UPK1A: variants seen among roughly 807,000 people sequenced by gnomAD.
UPK1A encodes uroplakin 1A, also known as uroplakin-1a.
UPK1A carries 31 observed loss-of-function variants against 32.3 expected under a neutral mutation model. The observed-to-expected ratio is 0.96, with a 90% CI of 0.72 to 1.30. The LOEUF is 1.30. Ranked by LOEUF, UPK1A falls within the 50% of genes most tolerant of loss-of-function variation. The pLI is 0.00. For synonymous variants in UPK1A, 135 were observed against 137.1 expected (o/e 0.98, Z 0.11); for missense variants, 340 against 357.4 (o/e 0.95, Z 0.39).
At chr19:35,671,697 C>T (rs1390030940) in intron 3 of UPK1A, among the ~76,000 whole-genome samples, 1 of 151,372 alleles carries the variant, frequency 6.6e-6, no homozygotes, top group Non-Finnish European at 1.5e-5. Context: ...CTCCTGACCT[C>T]GTGATCCGCC....
chr19:35,675,937 TGTGCTGTCGCCGGAC>T (rs961694135), exon 6 of UPK1A: 1 of 1,613,848 alleles, frequency 6.2e-7, no homozygotes, highest in African/African-American at 1.3e-5. Context: ...TGGCCCCCAC[TGTGCTGTCGCCGGAC>T]GGGAAACTTC....
At chr19:35,673,189 CACGGGCTCTGCCCG>C in intron 3 of UPK1A, 29 bp from the exon 4 acceptor site, 1 of 1,602,440 alleles carries the variant, frequency 6.2e-7, no homozygotes, top group Non-Finnish European at 8.5e-7. Flanking sequence ...GGTGTGGCTT[CACGGGCTCTGCCCG>C]ACGGGCCGTC....
chr19:35,667,061 C>A (rs1456980244), intron 2 of UPK1A, among the ~76,000 whole-genome samples, 165 bp downstream of exon 2: 1 of 152,126 alleles, frequency 6.6e-6, no homozygotes, highest in Non-Finnish European at 1.5e-5. Context: ...AGCTCTGTGA[C>A]CTTAGCAAGC....
intron 3 of UPK1A, among the ~76,000 whole-genome samples, chr19:35,669,806 A>G (rs1253112752): frequency 6.6e-6 from 1 of 152,208 alleles, no homozygotes. Flanking sequence ...CCAGGAGAGC[A>G]GGGATTCCAA....
chr19:35,677,387 G>A (rs1182779859), intron 6 of UPK1A, among the ~76,000 whole-genome samples: 2 of 151,924 alleles, frequency 1.3e-5, no homozygotes, highest in Non-Finnish European at 2.9e-5. Flanking sequence ...TTAGCCGGGC[G>A]TAGTGGTGCA....
intron 3 of UPK1A, among the ~76,000 whole-genome samples, chr19:35,672,202 T>C (rs1401330205): frequency 2.6e-5 from 4 of 152,248 alleles, no homozygotes; most frequent in Non-Finnish European, 4.4e-5. Context: ...AGTTCTTCTA[T>C]ATCTTCCAAT....
chr19:35,668,217 C>T (rs1968028130), intron 2 of UPK1A: 3 of 587,998 alleles, frequency 5.1e-6, no homozygotes, highest in Non-Finnish European at 6.1e-6. Context: ...CGTGGCATCC[C>T]CTTTTATCCC....
exon 8 of UPK1A, chr19:35,678,111 T>TCACCTCC: frequency 7.0e-7 from 1 of 1,429,160 alleles, no homozygotes; most frequent in South Asian, 1.4e-5. Flanking sequence ...GCCTCACCTC[T>TCACCTCC]CACCTCCCAA....
intron 5 of UPK1A, among the ~76,000 whole-genome samples, chr19:35,674,733 G>A (rs1968156064): frequency 6.6e-6 from 1 of 151,960 alleles, no homozygotes; most frequent in Non-Finnish European, 1.5e-5. Context: ...AATCCAACAT[G>A]ATATTGCACT....
At chr19:35,670,712 T>C (rs1299646085) in intron 3 of UPK1A, among the ~76,000 whole-genome samples, 6 of 117,076 alleles carry the variant, frequency 5.1e-5, no homozygotes, top group Non-Finnish European at 1.1e-4. Flanking sequence ...CTTCCTTCCT[T>C]CCTTCCTTTC....
chr19:35,677,822 A>C, exon 7 of UPK1A: 1 of 1,612,006 alleles, frequency 6.2e-7, no homozygotes, highest in Non-Finnish European at 8.5e-7. Context: ...GGCTGCTTCG[A>C]ACACATCGGC....
At chr19:35,675,117 A>T (rs1160173753) in intron 5 of UPK1A, among the ~76,000 whole-genome samples, 1 of 151,800 alleles carries the variant, frequency 6.6e-6, no homozygotes. Flanking sequence ...CAAGTCCTCT[A>T]GCTAGCCAGG....
exon 4 of UPK1A, chr19:35,673,267 G>C (rs762711868): frequency 5.0e-6 from 8 of 1,613,946 alleles, no homozygotes; most frequent in Non-Finnish European, 5.9e-6. Flanking sequence ...ACATCTTCGA[G>C]TGCGCCTCCT....
At chr19:35,668,803 C>T in intron 3 of UPK1A, 149 bp downstream of exon 3, 4 of 915,532 alleles carry the variant, frequency 4.4e-6, no homozygotes, top group Non-Finnish European at 6.4e-6. Context: ...TCAGTCTTCC[C>T]ACAGCCCAAT....
chr19:35,669,268 C>T (rs1968049217), intron 3 of UPK1A, among the ~76,000 whole-genome samples: 1 of 152,108 alleles, frequency 6.6e-6, no homozygotes, highest in South Asian at 2.1e-4. Context: ...TCAACCTGAG[C>T]AGATCGGCTC....
chr19:35,667,392 G>A (rs1968015388), intron 2 of UPK1A, among the ~76,000 whole-genome samples: 1 of 152,120 alleles, frequency 6.6e-6, no homozygotes, highest in African/African-American at 2.4e-5. Flanking sequence ...GGAGTGCAGT[G>A]GCTGATCTCA....
intron 6 of UPK1A, among the ~76,000 whole-genome samples, chr19:35,677,106 C>A (rs1227556190): frequency 6.6e-6 from 1 of 151,916 alleles, no homozygotes; most frequent in African/African-American, 2.4e-5. Context: ...CGCCTGTAAT[C>A]CCAGCTACTG....
intron 2 of UPK1A, 149 bp downstream of exon 2, chr19:35,667,045 C>T (rs561171344): frequency 5.6e-6 from 4 of 715,830 alleles, no homozygotes; most frequent in South Asian, 5.2e-5. Context: ...AGCTCTGCCT[C>T]TCCCCAGCTC....
intron 5 of UPK1A, among the ~76,000 whole-genome samples, chr19:35,673,968 G>A (rs1275008270): frequency 1.3e-5 from 2 of 151,466 alleles, no homozygotes; most frequent in Non-Finnish European, 2.9e-5. Context: ...AGTGATCATA[G>A]CTCACTGCAA....
Sources: allele counts gnomAD v4.1 joint callset (sites outside exome capture counted in the v4.1 genomes callset), GRCh38; gene constraint gnomAD v4.1.1; transcripts MANE v1.5; gene names NCBI Gene and HGNC (gene_info 2026-07-23, HGNC 2026-07-21).